Variants in TRPM3 observed in about 807,000 individuals in gnomAD.
TRPM3 encodes the protein long transient receptor potential channel 3.
In TRPM3, 77 loss-of-function variants were observed where a neutral mutation model predicts 181.2. That is an observed-to-expected ratio of 0.42 (90% confidence interval 0.35 to 0.51). The LOEUF (loss-of-function observed/expected upper bound fraction) is 0.51, where lower values mean the gene tolerates loss of function less well. Among genes scored for constraint, TRPM3 ranks in the 20% least tolerant of loss-of-function variants. The probability of loss-of-function intolerance (pLI) is 0.01; values close to 1 mark genes in which losing one functional copy is unlikely to be tolerated. For missense variants in TRPM3, 1,759 were observed against 2,196.7 expected (o/e 0.80, Z 3.98); for synonymous variants, 745 against 796.4 (o/e 0.94, Z 1.09).
At chr9:71,351,009 C>T (rs1219432968) in intron 1 of TRPM3, among the ~76,000 whole-genome samples, 1 of 152,078 alleles carries the variant, frequency 6.6e-6, no homozygotes, top group African/African-American at 2.4e-5. Context: ...AAAACAAAGG[C>T]CTTTTTGATT....
intron 8 of TRPM3, among the ~76,000 whole-genome samples, chr9:70,699,577 C>T (rs2071729336): frequency 6.6e-6 from 1 of 152,140 alleles, no homozygotes; most frequent in Admixed American, 6.5e-5. Flanking sequence ...TATACATTAC[C>T]TGGTTTAATC....
At chr9:71,038,188 C>A (rs570492886) in intron 1 of TRPM3, among the ~76,000 whole-genome samples, 1 of 152,138 alleles carries the variant, frequency 6.6e-6, no homozygotes, top group African/African-American at 2.4e-5. Flanking sequence ...AGTGAAGAAG[C>A]GCATATTAGG....
chr9:70,570,024 A>G (rs1274951850), intron 22 of TRPM3, among the ~76,000 whole-genome samples: 1 of 152,136 alleles, frequency 6.6e-6, no homozygotes, highest in Admixed American at 6.5e-5. Flanking sequence ...ATTTAAAGCA[A>G]TTAATTTAAG....
intron 1 of TRPM3, among the ~76,000 whole-genome samples, chr9:71,258,184 C>T (rs923002425): frequency 6.6e-6 from 1 of 152,174 alleles, no homozygotes; most frequent in South Asian, 2.1e-4. Flanking sequence ...GCTCTTTGCA[C>T]ACATTGGCCC....
chr9:71,224,602 T>C (rs1343136144), intron 1 of TRPM3, among the ~76,000 whole-genome samples: 1 of 152,108 alleles, frequency 6.6e-6, no homozygotes, highest in Non-Finnish European at 1.5e-5. Context: ...TATGAGACCT[T>C]TCAGAGAATT....
At chr9:70,696,239 G>T (rs2134563590) in intron 8 of TRPM3, among the ~76,000 whole-genome samples, 1 of 152,304 alleles carries the variant, frequency 6.6e-6, no homozygotes, top group South Asian at 2.1e-4. Flanking sequence ...TTTAGATGGG[G>T]AATATATCCA....
chr9:70,921,220 A>G (rs113436645), intron 1 of TRPM3, among the ~76,000 whole-genome samples: 3 of 152,154 alleles, frequency 2.0e-5, no homozygotes, highest in African/African-American at 7.2e-5. Flanking sequence ...TCTCATTTTT[A>G]CTTATGTTTT....
rs901923726 is a variant in TRPM3, at chr9:71,029,394, T to G, written c.177+91784A>C. Among the ~76,000 whole-genome samples, 4 of 152,218 alleles carry G rather than the reference T, an allele frequency of 2.6e-5. 1 individual carries two copies. Among genetic ancestry groups the G allele is most frequent in the Admixed American group, 2.6e-4 (4 of 15,290 alleles). Reference sequence around the variant, plus strand: ...AATGGAGGAATTATTTAATATGCTCTGTGTATGCTTGGATTTCTAGTGCCA... The same window carrying G: ...AATGGAGGAATTATTTAATATGCTCGGTGTATGCTTGGATTTCTAGTGCCA... On this transcript the variant is annotated intron_variant, in intron 1 of 25. Transcript: ENST00000677713.
chr9:70,700,113 G>T (rs1391435522), intron 8 of TRPM3, among the ~76,000 whole-genome samples: 1 of 152,150 alleles, frequency 6.6e-6, no homozygotes, highest in Non-Finnish European at 1.5e-5. Flanking sequence ...CACCCGAGTA[G>T]CTTAGACTAC....
chr9:71,405,549 C>T lies in TRPM3; in HGVS notation c.183+41104G>A, dbSNP rs184585749. Among the ~76,000 whole-genome samples, 31 of 152,240 alleles carry T rather than the reference C, an allele frequency of 2.0e-4. No homozygotes were observed. In the East Asian group the frequency reaches 4.2e-3, roughly 21 times the overall value. On this transcript the variant is annotated intron_variant, in intron 1 of 24. Transcript: ENST00000357533. ...CAATATTATACAAACAGATGTGTCTCTTCCTTTAGGAATGTGAAAAAAACA... is the reference window on the plus strand; with the variant it reads ...CAATATTATACAAACAGATGTGTCTTTTCCTTTAGGAATGTGAAAAAAACA...
chr9:71,133,979 G>T (rs1261680880), intron 1 of TRPM3, among the ~76,000 whole-genome samples: 1 of 8,364 alleles, frequency 1.2e-4, no homozygotes, highest in African/African-American at 3.7e-4. Context: ...GTGTTTGTGT[G>T]TGTGTGTGTG....
At chr9:71,076,894 C>T (rs1237745778) in intron 1 of TRPM3, among the ~76,000 whole-genome samples, 1 of 152,144 alleles carries the variant, frequency 6.6e-6, no homozygotes, top group East Asian at 1.9e-4. Context: ...CAGGGACCTG[C>T]CTTGTTTACC....
At chr9:71,011,650 T>C (rs2097741314) in intron 1 of TRPM3, among the ~76,000 whole-genome samples, 1 of 152,046 alleles carries the variant, frequency 6.6e-6, no homozygotes, top group African/African-American at 2.4e-5. Flanking sequence ...TATCATGTTT[T>C]TATGTAAGAA....
In TRPM3 at chr9:70,872,922, T is replaced by A. The variant is rs577234901; in HGVS notation, c.178-8411A>T. Among the ~76,000 whole-genome samples the A allele has an allele frequency of 2.6e-5, 4 of 152,078 alleles. No homozygotes were observed. In the East Asian group the frequency reaches 7.8e-4, roughly 30 times the overall value. ...TCAGGGCGGGACTCAGATGGTACCA[T>A]CCTAAAAATGCCCAGATAAGCATTT... On this transcript the variant is annotated intron_variant, in intron 1 of 25. Transcript: ENST00000677713.
chr9:71,276,512 AC>A (rs1333623626), intron 1 of TRPM3, among the ~76,000 whole-genome samples: 13 of 152,188 alleles, frequency 8.5e-5, no homozygotes, highest in Non-Finnish European at 1.5e-4. Flanking sequence ...AGAAATAATC[AC>A]AAATTTTACA....
chr9:70,560,198 A>G (rs530694943), intron 22 of TRPM3, among the ~76,000 whole-genome samples: 13 of 152,286 alleles, frequency 8.5e-5, no homozygotes, highest in African/African-American at 1.7e-4. Flanking sequence ...GAGGGGTGAA[A>G]TGCCTTACCA....
chr9:70,629,219 G>GCGA (rs1554790188), intron 12 of TRPM3, among the ~76,000 whole-genome samples: 2 of 73,864 alleles, frequency 2.7e-5, no homozygotes, highest in African/African-American at 8.8e-5. Context: ...CAGTGCCGGG[G>GCGA]GGGGGGGGGG....
chr9:70,632,159 AG>A (rs1240963483), intron 12 of TRPM3, among the ~76,000 whole-genome samples: 1 of 152,198 alleles, frequency 6.6e-6, no homozygotes, highest in African/African-American at 2.4e-5. Flanking sequence ...TAAGTTCCCA[AG>A]ATTTTCTTAG....
At chr9:71,444,965 C>T (rs1263493448) in intron 1 of TRPM3, among the ~76,000 whole-genome samples, 3 of 152,204 alleles carry the variant, frequency 2.0e-5, no homozygotes, top group South Asian at 2.1e-4. Context: ...AACTGAATTA[C>T]TAATGTTTCA....
Sources: gnomAD v4.1 joint callset for allele counts (sites outside exome capture counted in the v4.1 genomes callset) on GRCh38, gnomAD v4.1.1 for gene constraint, MANE v1.5 for transcripts, NCBI Gene and HGNC (gene_info 2026-07-23, HGNC 2026-07-21) for gene names.